Variants in C8orf34 observed in about 807,000 individuals in gnomAD.
C8orf34 encodes the protein chromosome 8 open reading frame 34.
C8orf34 carries 65 observed loss-of-function variants against 68.3 expected under a neutral mutation model. The ratio of observed to expected loss-of-function variants is 0.95; its 90% CI spans 0.78 to 1.17. The LOEUF is 1.17. Ranked by LOEUF, C8orf34 falls within the 50% of genes most tolerant of loss-of-function variation. The pLI is 0.00. For missense variants in C8orf34, 664 were observed against 655.4 expected (o/e 1.01, Z -0.14); for synonymous variants, 244 against 241.2 (o/e 1.01, Z -0.11).
At chr8:68,756,477 G>A (rs1211957552) in intron 10 of C8orf34, among the ~76,000 whole-genome samples, 2 of 152,174 alleles carry the variant, frequency 1.3e-5, no homozygotes, top group Admixed American at 6.5e-5. Flanking sequence ...TTGATCGGAA[G>A]TGTATACTTC....
At chr8:68,462,451 T>C (rs1329934725) in intron 3 of C8orf34, among the ~76,000 whole-genome samples, 1 of 151,690 alleles carries the variant, frequency 6.6e-6, no homozygotes, top group Non-Finnish European at 1.5e-5. Context: ...CTAATAGACA[T>C]CTACAGAACT....
chr8:68,782,828 C>G (rs991162428), intron 11 of C8orf34, among the ~76,000 whole-genome samples: 3 of 151,644 alleles, frequency 2.0e-5, no homozygotes, highest in Non-Finnish European at 2.9e-5. Flanking sequence ...GAGGCAGAGG[C>G]AGAGGATGGC....
chr8:68,407,057 A>G (rs1320282602), intron 1 of C8orf34, among the ~76,000 whole-genome samples: 1 of 152,182 alleles, frequency 6.6e-6, no homozygotes, highest in Admixed American at 6.5e-5. Context: ...CTATGGATCT[A>G]CATAGAGGAA....
At chr8:68,792,474 A>C (rs559246857) in intron 12 of C8orf34, 20 of 143,588 alleles carry the variant, frequency 1.4e-4, no homozygotes, top group African/African-American at 5.1e-4. Flanking sequence ...CGGGAGGCTG[A>C]GGCAGGAGAA....
chr8:68,505,685 T>A (rs557216379), intron 5 of C8orf34, among the ~76,000 whole-genome samples: 1 of 92,558 alleles, frequency 1.1e-5, no homozygotes, highest in African/African-American at 1.0e-4. Flanking sequence ...GAGCCGAGAT[T>A]GCGCCACTGC....
At chr8:68,372,779 G>A (rs993959825) in intron 1 of C8orf34, among the ~76,000 whole-genome samples, 2 of 152,062 alleles carry the variant, frequency 1.3e-5, no homozygotes, top group Non-Finnish European at 2.9e-5. Flanking sequence ...AGGCCCCAGT[G>A]TGTGATGTTC....
At chr8:68,473,077 C>T (rs1044207004) in intron 4 of C8orf34, among the ~76,000 whole-genome samples, 10 of 151,038 alleles carry the variant, frequency 6.6e-5, no homozygotes, top group South Asian at 2.1e-4. Flanking sequence ...GAAGCGGCAT[C>T]GTTGTCTGGG....
At chr8:68,503,392 G>C (rs1169862985) in intron 5 of C8orf34, among the ~76,000 whole-genome samples, 1 of 152,100 alleles carries the variant, frequency 6.6e-6, no homozygotes, top group African/African-American at 2.4e-5. Context: ...TGTGCCAGGT[G>C]GGGTGGGGGT....
At chr8:68,645,606 A>G (rs142807199) in intron 8 of C8orf34, among the ~76,000 whole-genome samples, 1 of 152,254 alleles carries the variant, frequency 6.6e-6, no homozygotes, top group Non-Finnish European at 1.5e-5. Flanking sequence ...CAAGGTCAAG[A>G]AATCATTTTC....
intron 8 of C8orf34, among the ~76,000 whole-genome samples, chr8:68,683,450 C>T (rs1820425989): frequency 1.3e-5 from 2 of 151,574 alleles, no homozygotes; most frequent in African/African-American, 2.4e-5. Context: ...TACCAACTAC[C>T]TATGTCTCAA....
chr8:68,817,354 T>G (rs1373531485), intron 13 of C8orf34, among the ~76,000 whole-genome samples: 1 of 152,082 alleles, frequency 6.6e-6, no homozygotes, highest in East Asian at 1.9e-4. Context: ...ATAAAAGAGT[T>G]AGCTGGGGTT....
chr8:68,399,158 A>G (rs1424795405), intron 1 of C8orf34, among the ~76,000 whole-genome samples: 1 of 152,066 alleles, frequency 6.6e-6, no homozygotes, highest in Admixed American at 6.6e-5. Context: ...ATTTATTTAT[A>G]TGAGTTTATT....
chr8:68,668,204 C>T (rs1036524658), intron 8 of C8orf34, among the ~76,000 whole-genome samples: 7 of 151,920 alleles, frequency 4.6e-5, no homozygotes, highest in Admixed American at 3.9e-4. Flanking sequence ...TATTTTGAGC[C>T]TCCATTCAAA....
intron 10 of C8orf34, among the ~76,000 whole-genome samples, chr8:68,735,383 C>A (rs1173485673): frequency 2.0e-5 from 3 of 152,182 alleles, no homozygotes; most frequent in South Asian, 2.1e-4. Context: ...TCTTATGGAG[C>A]ATTAACGATA....
chr8:68,463,454 A>T (rs889123361), intron 3 of C8orf34, among the ~76,000 whole-genome samples: 1 of 152,266 alleles, frequency 6.6e-6, no homozygotes, highest in Non-Finnish European at 1.5e-5. Flanking sequence ...GGCCAGCATC[A>T]TCCTGATACC....
chr8:68,666,557 T>G (rs1293274019), intron 8 of C8orf34, among the ~76,000 whole-genome samples: 1 of 152,234 alleles, frequency 6.6e-6, no homozygotes, highest in African/African-American at 2.4e-5. Flanking sequence ...CATTTTGATC[T>G]GCAAATTCAA....
chr8:68,748,185 G>A (rs1218384917), intron 10 of C8orf34, among the ~76,000 whole-genome samples: 2 of 129,512 alleles, frequency 1.5e-5, no homozygotes, highest in African/African-American at 3.1e-5. Flanking sequence ...CTAGCCATAT[G>A]TAGAAAGCTG....
At chr8:68,423,184 T>C (rs567320779) in intron 1 of C8orf34, among the ~76,000 whole-genome samples, 14 of 152,202 alleles carry the variant, frequency 9.2e-5, no homozygotes, top group Non-Finnish European at 2.1e-4. Flanking sequence ...CCCCAGAAAA[T>C]GAGTTTTTCC....
intron 8 of C8orf34, among the ~76,000 whole-genome samples, chr8:68,702,565 T>C (rs1378307641): frequency 1.3e-5 from 2 of 152,172 alleles, no homozygotes; most frequent in Non-Finnish European, 2.9e-5. Flanking sequence ...CAGGGAAGAT[T>C]AAAAATATTT....
Sources: gnomAD v4.1 joint callset for allele counts (sites outside exome capture counted in the v4.1 genomes callset) on GRCh38, gnomAD v4.1.1 for gene constraint, MANE v1.5 for transcripts, NCBI Gene and HGNC (gene_info 2026-07-23, HGNC 2026-07-21) for gene names.